The following DIP2C variants were observed in gnomAD, a reference collection of about 807,000 sequenced individuals.
The protein encoded by DIP2C is disco-interacting protein 2 homolog C.
A neutral mutation model predicts 192.4 loss-of-function variants in DIP2C; 33 were observed. The observed-to-expected ratio is 0.17, with a 90% CI of 0.13 to 0.23. DIP2C has a LOEUF of 0.23. DIP2C is among the 10% of genes least tolerant of loss of function. DIP2C has a pLI of 1.00. For synonymous variants in DIP2C, 979 were observed against 864.1 expected, an observed-to-expected ratio of 1.13 and a Z score of -2.33; for missense variants, 1,537 against 2,110.1, an observed-to-expected ratio of 0.73 and a Z score of 5.32.
At chr10:667,659 TCA>T (rs1564325561) in intron 1 of DIP2C, 3 of 151,366 alleles carry the variant, frequency 2.0e-5, no homozygotes, top group African/African-American at 7.3e-5. Context: ...TGCATGCAAC[TCA>T]CAACACAACA....
At chr10:288,248 T>G in intron 33 of DIP2C, 116 bp downstream of exon 33, 1 of 1,039,630 alleles carries the variant, frequency 9.6e-7, no homozygotes, top group Non-Finnish European at 1.4e-6. Flanking sequence ...ATATGTTACT[T>G]TCAAGAAATT....
At chr10:619,169 C>A (rs977593115) in intron 1 of DIP2C, among the ~76,000 whole-genome samples, 4 of 152,196 alleles carry the variant, frequency 2.6e-5, no homozygotes, top group African/African-American at 9.7e-5. Flanking sequence ...TGCCGTCCCC[C>A]TAACGCCACT....
At chr10:389,336 C>T (rs1963268355) in intron 13 of DIP2C, among the ~76,000 whole-genome samples, 1 of 152,066 alleles carries the variant, frequency 6.6e-6, no homozygotes, top group African/African-American at 2.4e-5. Flanking sequence ...GGGGTCGCAC[C>T]CTCCCCTCTC....
intron 12 of DIP2C, 33 bp downstream of exon 12, chr10:390,231 C>T (rs539932281): frequency 6.2e-7 from 1 of 1,606,096 alleles, no homozygotes; most frequent in Non-Finnish European, 8.5e-7. Context: ...AGGCCACACT[C>T]AGGGCCAGTG....
At chr10:580,252 G>A (rs936202481) in intron 1 of DIP2C, among the ~76,000 whole-genome samples, 25 of 152,122 alleles carry the variant, frequency 1.6e-4, no homozygotes, top group Non-Finnish European at 3.5e-4. Flanking sequence ...CATGTGTAAA[G>A]TATGTACATA....
chr10:512,190 C>T (rs545684089), intron 1 of DIP2C, among the ~76,000 whole-genome samples: 1 of 152,266 alleles, frequency 6.6e-6, no homozygotes, highest in Non-Finnish European at 1.5e-5. Flanking sequence ...TTGTTTTTAT[C>T]CTAGAGGCAT....
intron 14 of DIP2C, among the ~76,000 whole-genome samples, chr10:385,193 G>A (rs563229162): frequency 2.6e-5 from 4 of 151,802 alleles, no homozygotes; most frequent in African/African-American, 9.7e-5. Flanking sequence ...ACGGACACCG[G>A]GCTGCACAGG....
intron 1 of DIP2C, among the ~76,000 whole-genome samples, chr10:655,889 A>G (rs1007627913): frequency 1.3e-5 from 2 of 150,222 alleles, no homozygotes; most frequent in South Asian, 4.2e-4. Context: ...ACCCTATAGA[A>G]CACTCTACTA....
intron 1 of DIP2C, among the ~76,000 whole-genome samples, chr10:671,151 C>T (rs1156500758): frequency 6.6e-6 from 1 of 152,208 alleles, no homozygotes; most frequent in Non-Finnish European, 1.5e-5. Flanking sequence ...CTGTGTGTCA[C>T]GCAAACCCCT....
At chr10:352,175 G>A (rs1821649736) in intron 24 of DIP2C, among the ~76,000 whole-genome samples, 1 of 152,256 alleles carries the variant, frequency 6.6e-6, no homozygotes, top group South Asian at 2.1e-4. Context: ...CACCCGCTTT[G>A]CTGTCAGATG....
Position 651,209 on chromosome 10 carries a change from G to A in DIP2C, c.85+38285C>T, listed in dbSNP as rs1399303717. The A allele has an allele frequency of 1.4e-6, 1 of 717,248 alleles. No homozygotes were observed. The highest frequency in any genetic ancestry group is 2.0e-5 in the Admixed American group (1 of 50,022). The allele number at this position is 717,248 out of a possible 1,614,324, so 44.4% of individuals were successfully genotyped here. On this transcript the variant is annotated intron_variant, in intron 1 of 36. Transcript: ENST00000280886. This position sits in a 1 kb window ranked among gnomAD's most constrained non-coding sequence, Gnocchi z 4.1. ...TCCTCCACGCATATCTACAGACCCTGTCCTCACCTGCATCACACCAATGAT... is the reference window on the plus strand; with the variant it reads ...TCCTCCACGCATATCTACAGACCCTATCCTCACCTGCATCACACCAATGAT...
rs543851459 is a variant in DIP2C at position 611,039 on chromosome 10, T to C, written c.85+78455A>G. On this transcript the variant is annotated intron_variant, in intron 1 of 36. Coordinates refer to ENST00000280886, the MANE Select transcript of DIP2C (RefSeq NM_014974.3). Reference sequence around the variant, plus strand: ...TGGGCCCTGGTGGGAGGTGACTGACTCACGGGGGTGCTTTCTAACACCCAG... The same window carrying C: ...TGGGCCCTGGTGGGAGGTGACTGACCCACGGGGGTGCTTTCTAACACCCAG... Among the ~76,000 whole-genome samples the C allele has an allele frequency of 9.7e-5, 14 of 144,452 alleles. No homozygotes were observed. In the South Asian group the frequency reaches 3.0e-3, roughly 31 times the overall value. The allele number at this position is 144,452 out of a possible 152,430, so 94.8% of individuals were successfully genotyped here.
intron 1 of DIP2C, among the ~76,000 whole-genome samples, chr10:591,964 G>A (rs1160399968): frequency 3.9e-5 from 6 of 152,216 alleles, no homozygotes; most frequent in African/African-American, 9.6e-5. Flanking sequence ...TCTGAAGAAC[G>A]ATGCGAGTCT....
At chr10:389,796 G>T (rs944495213) in intron 13 of DIP2C, among the ~76,000 whole-genome samples, 195 bp downstream of exon 13, 23 of 152,286 alleles carry the variant, frequency 1.5e-4, no homozygotes, top group African/African-American at 4.3e-4. Context: ...AATGTCTGCT[G>T]TTGAAGCCGC....
chr10:337,274 G>A (rs1406464112), intron 29 of DIP2C, among the ~76,000 whole-genome samples: 6 of 148,942 alleles, frequency 4.0e-5, no homozygotes, highest in East Asian at 2.0e-4. Context: ...GCTGATGTGT[G>A]TGTGTGTTCT....
intron 10 of DIP2C, among the ~76,000 whole-genome samples, chr10:395,746 T>G (rs910377691): frequency 3.3e-5 from 5 of 152,212 alleles, no homozygotes; most frequent in African/African-American, 1.2e-4. Flanking sequence ...GATAAAACCA[T>G]AGCCACAGAG....
chr10:573,309 G>A (rs1015380713), intron 1 of DIP2C, among the ~76,000 whole-genome samples: 2 of 152,108 alleles, frequency 1.3e-5, no homozygotes, highest in Admixed American at 6.5e-5. Context: ...AAAAAACAGG[G>A]ATGATTAAGA....
At chr10:369,158 G>C (rs1031520106) in intron 18 of DIP2C, among the ~76,000 whole-genome samples, 4 of 152,250 alleles carry the variant, frequency 2.6e-5, no homozygotes, top group African/African-American at 9.6e-5. Flanking sequence ...TAGTGCCTTA[G>C]GGTGACAGAT....
At chr10:392,894 AC>A (rs1963610463) in intron 10 of DIP2C, among the ~76,000 whole-genome samples, 1 of 332 alleles carries the variant, frequency 3.0e-3, no homozygotes, top group African/African-American at 4.6e-3. Flanking sequence ...ACACGTGCCC[AC>A]ACACAGGCGC....
Sources: gnomAD v4.1 joint callset for allele counts (sites outside exome capture counted in the v4.1 genomes callset) on GRCh38, gnomAD v4.1.1 for gene constraint, Gnocchi (gnomAD v3.1) non-coding constraint, MANE v1.5 for transcripts, NCBI Gene and HGNC (gene_info 2026-07-23, HGNC 2026-07-21) for gene names.